Variants in SLCO1A2 observed in about 807,000 individuals in gnomAD.
SLCO1A2 encodes the protein OATP-1.
A neutral mutation model predicts 69.0 loss-of-function variants in SLCO1A2; 67 were observed. That is an observed-to-expected ratio of 0.97 (90% CI 0.80 to 1.19). SLCO1A2 has a LOEUF of 1.19. Among genes scored for constraint, SLCO1A2 ranks in the 50% most tolerant of loss-of-function variants. The pLI, the probability that SLCO1A2 is intolerant of heterozygous loss-of-function variation, is 0.00. For synonymous variants in SLCO1A2, 260 were observed against 265.9 expected (o/e 0.98, Z 0.22); for missense variants, 787 against 793.7 (o/e 0.99, Z 0.10).
intron 12 of SLCO1A2, among the ~76,000 whole-genome samples, chr12:21,279,492 A>G (rs1215041360): frequency 3.3e-5 from 5 of 152,220 alleles, no homozygotes; most frequent in African/African-American, 1.2e-4. Context: ...TGGAGCGCCA[A>G]TACAACTGGC....
At chr12:21,299,903 TAC>T (rs1219262593) in intron 8 of SLCO1A2, among the ~76,000 whole-genome samples, 3 of 130,488 alleles carry the variant, frequency 2.3e-5, no homozygotes, top group Non-Finnish European at 5.1e-5. Context: ...TATATATATA[TAC>T]GTGTGTGTAT....
At chr12:21,271,437 T>C (rs1463946555) in intron 14 of SLCO1A2, among the ~76,000 whole-genome samples, 1 of 149,416 alleles carries the variant, frequency 6.7e-6, no homozygotes, top group Non-Finnish European at 1.5e-5. Flanking sequence ...TAAAAATATA[T>C]TGTTTCAATT....
intron 1 of SLCO1A2, among the ~76,000 whole-genome samples, chr12:21,405,078 C>CTT (rs3060710): frequency 1.2e-3 from 180 of 144,114 alleles, no homozygotes; most frequent in East Asian, 2.8e-3. Flanking sequence ...TTTTTAATGG[C>CTT]TTTTTTTTTT....
intron 1 of SLCO1A2, among the ~76,000 whole-genome samples, chr12:21,383,075 A>G (rs1481643960): frequency 6.6e-6 from 1 of 152,294 alleles, no homozygotes; most frequent in East Asian, 1.9e-4. Flanking sequence ...ATAGTTATTC[A>G]CTTTGTCTGA....
At chr12:21,382,939 G>A (rs975425653) in intron 1 of SLCO1A2, among the ~76,000 whole-genome samples, 2 of 152,024 alleles carry the variant, frequency 1.3e-5, no homozygotes, top group African/African-American at 4.8e-5. Context: ...TCTACATCAT[G>A]TCCAAATAAA....
chr12:21,396,023 G>A (rs897319165), upstream of SLCO1A2, among the ~76,000 whole-genome samples: 9 of 151,534 alleles, frequency 5.9e-5, no homozygotes, highest in Non-Finnish European at 1.3e-4. Context: ...GCTGGATGGA[G>A]AATGACTTTG....
chr12:21,309,485 A>C (rs974663552), intron 4 of SLCO1A2, among the ~76,000 whole-genome samples: 4 of 152,156 alleles, frequency 2.6e-5, no homozygotes, highest in Non-Finnish European at 5.9e-5. Flanking sequence ...GAATAATAAC[A>C]CTTGATTACA....
chr12:21,367,519 A>G (rs1462881212), intron 2 of SLCO1A2, among the ~76,000 whole-genome samples: 1 of 152,156 alleles, frequency 6.6e-6, no homozygotes, highest in African/African-American at 2.4e-5. Context: ...AAATATTATC[A>G]TATGAAGAGT....
At chr12:21,405,744 A>G (rs776354107) in intron 1 of SLCO1A2, among the ~76,000 whole-genome samples, 2 of 152,206 alleles carry the variant, frequency 1.3e-5, no homozygotes, top group South Asian at 2.1e-4. Flanking sequence ...CTTACACCTT[A>G]TACAAAAATT....
At chr12:21,313,537 C>A (rs566769683) in intron 4 of SLCO1A2, among the ~76,000 whole-genome samples, 11 of 152,240 alleles carry the variant, frequency 7.2e-5, no homozygotes, top group African/African-American at 2.6e-4. Context: ...CTTGGGGAAA[C>A]CCCATCTCTA....
intron 1 of SLCO1A2, among the ~76,000 whole-genome samples, chr12:21,374,928 C>T (rs1591896943): frequency 6.6e-6 from 1 of 152,178 alleles, no homozygotes; most frequent in East Asian, 1.9e-4. Flanking sequence ...ATCCTCCCAC[C>T]TCAGCCTCCC....
At chr12:21,370,469 T>G (rs768593737) in intron 2 of SLCO1A2, among the ~76,000 whole-genome samples, 3 of 117,726 alleles carry the variant, frequency 2.5e-5, no homozygotes, top group Non-Finnish European at 3.5e-5. Context: ...CCTAATGCTA[T>G]CCCTCCCCCC....
intron 12 of SLCO1A2, among the ~76,000 whole-genome samples, chr12:21,287,168 AAAAC>A (rs1175079511): frequency 3.6e-5 from 5 of 138,990 alleles, no homozygotes; most frequent in Middle Eastern, 3.3e-3. Context: ...TTACAAGAAA[AAAAC>A]AAACAACCCC....
At chr12:21,384,174 T>C (rs1282327644) in intron 1 of SLCO1A2, among the ~76,000 whole-genome samples, 1 of 152,128 alleles carries the variant, frequency 6.6e-6, no homozygotes, top group Non-Finnish European at 1.5e-5. Flanking sequence ...GGGTACTTTC[T>C]AAATTCATTT....
chr12:21,346,620 G>C (rs946782308), intron 2 of SLCO1A2, among the ~76,000 whole-genome samples: 1 of 152,016 alleles, frequency 6.6e-6, no homozygotes, highest in Non-Finnish European at 1.5e-5. Context: ...GCAATGATAA[G>C]TACCAAGTTA....
intron 1 of SLCO1A2, among the ~76,000 whole-genome samples, chr12:21,403,978 A>G (rs1027799403): frequency 1.3e-5 from 2 of 152,130 alleles, no homozygotes; most frequent in African/African-American, 4.8e-5. Flanking sequence ...TGGATATCTA[A>G]GAAAAAATGA....
upstream of SLCO1A2, among the ~76,000 whole-genome samples, chr12:21,399,706 C>T (rs1350453193): frequency 1.7e-5 from 2 of 114,708 alleles, no homozygotes; most frequent in Non-Finnish European, 3.8e-5. Context: ...AAACAGAGCC[C>T]TCAGAAATAA....
At chr12:21,343,348 T>C (rs770862446) in intron 2 of SLCO1A2, among the ~76,000 whole-genome samples, 1 of 152,156 alleles carries the variant, frequency 6.6e-6, no homozygotes, top group Admixed American at 6.6e-5. Flanking sequence ...CATATAGCAC[T>C]CATGGCAAGG....
At chr12:21,322,671 T>C (rs962998553) in intron 2 of SLCO1A2, among the ~76,000 whole-genome samples, 4 of 149,408 alleles carry the variant, frequency 2.7e-5, no homozygotes, top group African/African-American at 7.3e-5. Flanking sequence ...CTTGTCAGAC[T>C]TAAAGTCTGT....
Sources: allele counts gnomAD v4.1 joint callset (sites outside exome capture counted in the v4.1 genomes callset), GRCh38; gene constraint gnomAD v4.1.1; transcripts MANE v1.5; gene names NCBI Gene and HGNC (gene_info 2026-07-23, HGNC 2026-07-21).